The following NDUFAF2 variants were observed in gnomAD, a reference collection of about 807,000 sequenced individuals.
NDUFAF2 encodes NADH:ubiquinone oxidoreductase complex assembly factor 2.
Under a neutral mutation model 22.8 loss-of-function variants are expected in NDUFAF2, and 13 were observed. That is an observed-to-expected ratio of 0.57 (90% confidence interval 0.37 to 0.91). NDUFAF2 has a LOEUF of 0.91. Among genes scored for constraint, NDUFAF2 ranks in the 40% least tolerant of loss-of-function variants. The pLI, the probability that NDUFAF2 is intolerant of heterozygous loss-of-function variation, is 0.01. For missense variants in NDUFAF2, 162 were observed against 195.2 expected (o/e 0.83, Z 1.01); for synonymous variants, 53 against 64.2 (o/e 0.83, Z 0.84).
At chr5:61,107,044 T>TACACACAC (rs71578646) in intron 3 of NDUFAF2, among the ~76,000 whole-genome samples, 3,938 of 64,274 alleles carry the variant, frequency 0.061, 79 homozygotes, top group East Asian at 0.11. Context: ...TTTGGATAAA[T>TACACACAC]ATACACACAC....
At chr5:61,000,408 A>G (rs142136235) in intron 1 of NDUFAF2, among the ~76,000 whole-genome samples, 1 of 152,202 alleles carries the variant, frequency 6.6e-6, no homozygotes, top group East Asian at 1.9e-4. Context: ...TTACCTTTCA[A>G]CACTTTCTAA....
intron 3 of NDUFAF2, among the ~76,000 whole-genome samples, chr5:61,143,108 A>G (rs1439706980): frequency 6.6e-6 from 1 of 152,150 alleles, no homozygotes; most frequent in Non-Finnish European, 1.5e-5. Flanking sequence ...TGAAACAACA[A>G]ATTCCCATTA....
At chr5:61,135,273 C>G (rs1217389069) in intron 3 of NDUFAF2, among the ~76,000 whole-genome samples, 1 of 151,898 alleles carries the variant, frequency 6.6e-6, no homozygotes, top group African/African-American at 2.4e-5. Flanking sequence ...GCCAGGGCTC[C>G]TTAGAGAAAT....
chr5:61,011,283 G>T (rs964562282), intron 1 of NDUFAF2, among the ~76,000 whole-genome samples: 1 of 152,098 alleles, frequency 6.6e-6, no homozygotes, highest in Non-Finnish European at 1.5e-5. Flanking sequence ...GTGTACTCAT[G>T]CCTCCAGCTT....
chr5:60,961,835 A>C (rs1284686823), intron 1 of NDUFAF2, among the ~76,000 whole-genome samples: 2 of 151,798 alleles, frequency 1.3e-5, no homozygotes, highest in African/African-American at 2.4e-5. Context: ...AGAATGAATC[A>C]GTATCTGTGG....
At chr5:61,135,629 A>G (rs1288246123) in intron 3 of NDUFAF2, among the ~76,000 whole-genome samples, 1 of 152,176 alleles carries the variant, frequency 6.6e-6, no homozygotes, top group Admixed American at 6.5e-5. Flanking sequence ...GGTAGAGCCC[A>G]TCAATCTGTG....
chr5:61,014,358 G>A (rs540103884), intron 1 of NDUFAF2, among the ~76,000 whole-genome samples: 1 of 152,324 alleles, frequency 6.6e-6, no homozygotes, highest in South Asian at 2.1e-4. Flanking sequence ...GCTCCATGGG[G>A]ACAGAAGTTC....
At chr5:61,113,189 C>G (rs912609191) in intron 3 of NDUFAF2, among the ~76,000 whole-genome samples, 2 of 152,100 alleles carry the variant, frequency 1.3e-5, no homozygotes, top group Non-Finnish European at 2.9e-5. Context: ...ACAAATATTA[C>G]AGCAAAATTG....
intron 1 of NDUFAF2, among the ~76,000 whole-genome samples, chr5:60,977,977 T>C (rs1750924814): frequency 6.6e-6 from 1 of 152,104 alleles, no homozygotes; most frequent in African/African-American, 2.4e-5. Context: ...AGTACCTAGT[T>C]TTAAAATCAT....
At chr5:61,078,527 G>C (rs2111739169) in intron 2 of NDUFAF2, among the ~76,000 whole-genome samples, 1 of 152,210 alleles carries the variant, frequency 6.6e-6, no homozygotes, top group East Asian at 1.9e-4. Context: ...GGTCACTTGA[G>C]TCCAGGAGTT....
intron 1 of NDUFAF2, among the ~76,000 whole-genome samples, chr5:61,011,638 C>T (rs1751443721): frequency 6.6e-6 from 1 of 152,050 alleles, no homozygotes; most frequent in Non-Finnish European, 1.5e-5. Context: ...CCTGTTTCTT[C>T]AGCCTCCCAA....
intron 1 of NDUFAF2, among the ~76,000 whole-genome samples, chr5:61,016,904 G>C (rs1751518367): frequency 2.0e-5 from 3 of 152,112 alleles, no homozygotes; most frequent in Admixed American, 1.3e-4. Context: ...CCTGGTGCCT[G>C]GCCACACTTG....
intron 1 of NDUFAF2, among the ~76,000 whole-genome samples, chr5:60,946,717 G>A (rs1438729074): frequency 1.3e-5 from 2 of 152,062 alleles, no homozygotes; most frequent in African/African-American, 4.8e-5. Flanking sequence ...TATTGTTTTT[G>A]ACAAATGAGT....
intron 1 of NDUFAF2, among the ~76,000 whole-genome samples, chr5:61,003,796 T>TA (rs1254150542): frequency 3.3e-5 from 5 of 151,946 alleles, no homozygotes; most frequent in African/African-American, 1.2e-4. Context: ...TAGTTAGGAC[T>TA]ACAGGCATGT....
chr5:61,076,258 TAG>T (rs1752369330), intron 2 of NDUFAF2, among the ~76,000 whole-genome samples: 1 of 152,058 alleles, frequency 6.6e-6, no homozygotes, highest in Non-Finnish European at 1.5e-5. Context: ...GTATTTTTAG[TAG>T]AGAGAGGGTT....
chr5:61,009,716 C>T (rs1337083932), intron 1 of NDUFAF2, among the ~76,000 whole-genome samples: 2 of 152,062 alleles, frequency 1.3e-5, no homozygotes, highest in African/African-American at 4.8e-5. Flanking sequence ...AATTCACTCT[C>T]ATGGCTCCAG....
At chr5:61,101,397 C>A (rs1418060019) in intron 3 of NDUFAF2, among the ~76,000 whole-genome samples, 3 of 152,100 alleles carry the variant, frequency 2.0e-5, no homozygotes, top group Non-Finnish European at 2.9e-5. Context: ...TTAGACTTGT[C>A]CATTTCGTAA....
chr5:61,044,654 G>A (rs1267674987), intron 1 of NDUFAF2, among the ~76,000 whole-genome samples: 1 of 151,956 alleles, frequency 6.6e-6, no homozygotes, highest in Non-Finnish European at 1.5e-5. Context: ...GTTTTATTTT[G>A]GGGTTCTGTT....
chr5:60,977,934 T>G (rs1287946097), intron 1 of NDUFAF2, among the ~76,000 whole-genome samples: 6 of 152,064 alleles, frequency 3.9e-5, no homozygotes, highest in Admixed American at 3.9e-4. Context: ...AAAAGCACCT[T>G]TATGAGAACC....
Sources: allele counts gnomAD v4.1 joint callset (sites outside exome capture counted in the v4.1 genomes callset), GRCh38; gene constraint gnomAD v4.1.1; transcripts MANE v1.5; gene names NCBI Gene and HGNC (gene_info 2026-07-23, HGNC 2026-07-21).